RP1: variants seen among roughly 807,000 people sequenced by gnomAD.
RP1 encodes the protein oxygen-regulated protein 1.
Under a neutral mutation model 14.8 loss-of-function variants are expected in RP1, and 16 were observed. The observed-to-expected ratio is 1.08, with a 90% CI of 0.73 to 1.65. The LOEUF is 1.65. Among genes scored for constraint, RP1 ranks in the 40% most tolerant of loss-of-function variants. The pLI is 0.00. For missense variants in RP1, 2,631 were observed against 2,535.0 expected, an observed-to-expected ratio of 1.04 and a Z score of -0.81; for synonymous variants, 876 against 883.6, an observed-to-expected ratio of 0.99 and a Z score of 0.15.
At chr8:54,780,278 C>G (rs1473098848) in intron 23 of RP1, among the ~76,000 whole-genome samples, 2 of 152,252 alleles carry the variant, frequency 1.3e-5, no homozygotes, top group African/African-American at 4.8e-5. Context: ...GTTTGCCACC[C>G]TCTGGACTAT....
intron 25 of RP1, among the ~76,000 whole-genome samples, chr8:54,848,477 T>A (rs1172774007): frequency 6.6e-6 from 1 of 152,166 alleles, no homozygotes; most frequent in Admixed American, 6.5e-5. Flanking sequence ...TAGCTGCAGA[T>A]AACACAGATG....
At chr8:54,594,358 G>T (rs1244610267) in intron 1 of RP1, among the ~76,000 whole-genome samples, 1 of 152,204 alleles carries the variant, frequency 6.6e-6, no homozygotes, top group Non-Finnish European at 1.5e-5. Flanking sequence ...CTTTGTGTTG[G>T]ACCTCAGTGT....
intron 24 of RP1, among the ~76,000 whole-genome samples, chr8:54,828,279 C>A (rs554108926): frequency 6.6e-6 from 1 of 152,220 alleles, no homozygotes; most frequent in African/African-American, 2.4e-5. Flanking sequence ...CCCCACCAAG[C>A]CTCCTGTTGA....
At chr8:54,580,058 G>A (rs1407645355) in intron 1 of RP1, among the ~76,000 whole-genome samples, 1 of 152,132 alleles carries the variant, frequency 6.6e-6, no homozygotes, top group African/African-American at 2.4e-5. Context: ...AAAAAGCAAG[G>A]CTTTTTTAGA....
intron 17 of RP1, among the ~76,000 whole-genome samples, chr8:54,733,359 T>C (rs1291273732): frequency 6.6e-6 from 1 of 152,128 alleles, no homozygotes; most frequent in Admixed American, 6.6e-5. Flanking sequence ...AACAATTAAA[T>C]TGTTCAGTCA....
chr8:54,831,401 C>CTT (rs368455444), intron 24 of RP1, among the ~76,000 whole-genome samples: 29,067 of 102,498 alleles, frequency 0.28, 4,653 homozygotes, highest in East Asian at 0.35. Flanking sequence ...CCTATTGTTT[C>CTT]TTTTTTTTTT....
chr8:54,674,295 G>A (rs1807245617), intron 8 of RP1, among the ~76,000 whole-genome samples: 1 of 152,112 alleles, frequency 6.6e-6, no homozygotes, highest in Non-Finnish European at 1.5e-5. Context: ...GAAGGCTACT[G>A]ATTGTCCAAC....
chr8:54,705,379 G>T (rs1183240603), intron 14 of RP1, among the ~76,000 whole-genome samples: 1 of 152,224 alleles, frequency 6.6e-6, no homozygotes. Flanking sequence ...TACTTTCTCA[G>T]CACTGGTGTG....
chr8:54,580,221 C>T lies in RP1; in HGVS notation c.-13+20901C>T, dbSNP rs780199812. ...TGGTGTAATGCCTGGCATGTAATAG[C>T]CACTTAATAACTGGTAGCATTTATT... On this transcript the variant is annotated intron_variant, in intron 1 of 22. Transcript: ENST00000636932. Among the ~76,000 whole-genome samples, 87 of 149,398 alleles carry T rather than the reference C, an allele frequency of 5.8e-4. 1 individual carries two copies. The highest frequency in any genetic ancestry group is 5.6e-4 in the Non-Finnish European group (38 of 67,974).
In RP1 at chr8:54,793,280, A is replaced by G. The variant is rs142018877; in HGVS notation, c.3615+9570A>G. Among the ~76,000 whole-genome samples the G allele has an allele frequency of 3.2e-3, 487 of 151,810 alleles. 6 individuals are homozygous for G. Among genetic ancestry groups the G allele is most frequent in the Admixed American group, 0.021 (315 of 15,238 alleles). On this transcript the variant is annotated intron_variant, in intron 24 of 28. Transcript: ENST00000637698. ...AATAATTAATGCCAAACCATCTCAAACTCTTCTAAAAAATCTAAAGTGGAG... is the reference window on the plus strand; with the variant it reads ...AATAATTAATGCCAAACCATCTCAAGCTCTTCTAAAAAATCTAAAGTGGAG...
intron 1 of RP1, among the ~76,000 whole-genome samples, chr8:54,601,692 C>T (rs1311713880): frequency 6.7e-6 from 1 of 148,386 alleles, no homozygotes; most frequent in African/African-American, 2.5e-5. Flanking sequence ...CTGGAAACAA[C>T]CTAAATGCTA....
At chr8:54,589,698 G>T (rs566612533) in intron 1 of RP1, among the ~76,000 whole-genome samples, 1 of 152,254 alleles carries the variant, frequency 6.6e-6, no homozygotes, top group East Asian at 1.9e-4. Context: ...TGGAGCTCAA[G>T]ATGTGAAAAA....
rs549361743 is a variant in RP1 at position 54,678,575 on chromosome 8, A to G, written c.1478+39A>G. The G allele has an allele frequency of 6.1e-5, 91 of 1,494,880 alleles. No individual in the cohort carries two copies. In the African/African-American group the frequency reaches 1.1e-3, roughly 18 times the overall value. The allele number at this position is 1,494,880 out of a possible 1,614,324, so 92.6% of individuals were successfully genotyped here. A position where few individuals can be genotyped will look rare whatever the true frequency, so the allele number is the denominator to read the frequency against. On this transcript the variant is annotated intron_variant, in intron 9 of 22. Coordinates refer to the RP1 transcript ENST00000636932. ...CTTTTACATCGAAAAAATCCATTTC[A>G]TGTTAGTTCCAAGTTTGTGCATTGA...
chr8:54,577,555 A>G (rs1804689885), intron 1 of RP1, among the ~76,000 whole-genome samples: 1 of 135,866 alleles, frequency 7.4e-6, no homozygotes, highest in Non-Finnish European at 1.8e-5. Flanking sequence ...ATTCACACCC[A>G]CTTCTTAAGT....
chr8:54,590,619 T>C (rs868480525), intron 1 of RP1, among the ~76,000 whole-genome samples: 21 of 152,320 alleles, frequency 1.4e-4, no homozygotes, highest in African/African-American at 4.8e-4. Context: ...CCCAAGGACG[T>C]TATCTTAGGC....
At chr8:54,788,896 AC>A (rs1810393004) in intron 24 of RP1, among the ~76,000 whole-genome samples, 1 of 152,164 alleles carries the variant, frequency 6.6e-6, no homozygotes, top group South Asian at 2.1e-4. Flanking sequence ...AGGCTGATGC[AC>A]CCCACAGAAA....
chr8:54,590,434 A>G (rs1223755528), intron 1 of RP1, among the ~76,000 whole-genome samples: 2 of 152,084 alleles, frequency 1.3e-5, no homozygotes, highest in East Asian at 3.9e-4. Context: ...ACAAGCAGTG[A>G]TTTATATACC....
intron 15 of RP1, among the ~76,000 whole-genome samples, chr8:54,714,700 T>C (rs967745576): frequency 6.6e-6 from 1 of 152,242 alleles, no homozygotes; most frequent in Admixed American, 6.5e-5. Flanking sequence ...GTCTCCCATT[T>C]AGCCTGCTCT....
intron 5 of RP1, among the ~76,000 whole-genome samples, chr8:54,654,440 A>G (rs1230069708): frequency 6.6e-6 from 1 of 152,232 alleles, no homozygotes; most frequent in African/African-American, 2.4e-5. Context: ...TCAAATGATC[A>G]GCTTTGGGCC....
Sources: gnomAD v4.1 joint callset for allele counts (sites outside exome capture counted in the v4.1 genomes callset) on GRCh38, gnomAD v4.1.1 for gene constraint, MANE v1.5 for transcripts, NCBI Gene and HGNC (gene_info 2026-07-23, HGNC 2026-07-21) for gene names.